The following UMAD1 variants were observed in gnomAD, a reference collection of about 807,000 sequenced individuals.
UMAD1 encodes UBAP1-MVB12-associated (UMA) domain containing 1.
UMAD1 carries 8 observed loss-of-function variants against 6.1 expected under a neutral mutation model. The ratio of observed to expected loss-of-function variants is 1.30; its 90% CI spans 0.76 to 2.35. The LOEUF (loss-of-function observed/expected upper bound fraction) is 2.35. Among genes scored for constraint, UMAD1 ranks in the 30% most tolerant of loss-of-function variants. The pLI is 0.00. For synonymous variants in UMAD1, 56 were observed against 31.4 expected, an observed-to-expected ratio of 1.78 and a Z score of -2.61; for missense variants, 130 against 78.4, an observed-to-expected ratio of 1.66 and a Z score of -2.49.
intron 3 of UMAD1, among the ~76,000 whole-genome samples, chr7:7,860,482 C>T (rs1321349482): frequency 2.0e-5 from 3 of 151,388 alleles, no homozygotes; most frequent in Non-Finnish European, 2.9e-5. Context: ...TTGTCCTGGC[C>T]GAGCGTGGTG....
At chr7:7,792,216 C>T (rs1012915528) in intron 2 of UMAD1, among the ~76,000 whole-genome samples, 1 of 152,196 alleles carries the variant, frequency 6.6e-6, no homozygotes, top group Non-Finnish European at 1.5e-5. Context: ...AGCTTGTACC[C>T]TTTCCTATAT....
At chr7:7,721,076 G>C (rs187823254) in intron 2 of UMAD1, among the ~76,000 whole-genome samples, 1 of 152,254 alleles carries the variant, frequency 6.6e-6, no homozygotes. Flanking sequence ...CAAGCCAAGG[G>C]ACACCAAGGA....
intron 2 of UMAD1, among the ~76,000 whole-genome samples, chr7:7,743,305 A>G (rs1781510412): frequency 6.6e-6 from 1 of 152,198 alleles, no homozygotes; most frequent in South Asian, 2.1e-4. Context: ...TAGAAATGCA[A>G]TTTGTTAAAA....
At chr7:7,697,076 G>C (rs74960414) in intron 2 of UMAD1, among the ~76,000 whole-genome samples, 6,929 of 152,132 alleles carry the variant, frequency 0.046, 552 homozygotes, top group African/African-American at 0.16. Context: ...TGTGGTAGAT[G>C]AGATGATTTT....
chr7:7,666,106 A>G (rs1380403012), intron 1 of UMAD1, among the ~76,000 whole-genome samples: 1 of 152,162 alleles, frequency 6.6e-6, no homozygotes, highest in Non-Finnish European at 1.5e-5. Flanking sequence ...GCTGTACCAT[A>G]TTACCCTTCT....
intron 2 of UMAD1, among the ~76,000 whole-genome samples, chr7:7,783,424 T>C (rs1782391216): frequency 6.6e-6 from 1 of 151,536 alleles, no homozygotes; most frequent in Non-Finnish European, 1.5e-5. Context: ...AAAAGAGAAA[T>C]TCAGATGCTG....
chr7:7,837,768 C>T (rs1221538531), intron 3 of UMAD1, among the ~76,000 whole-genome samples: 1 of 152,026 alleles, frequency 6.6e-6, no homozygotes, highest in Non-Finnish European at 1.5e-5. Flanking sequence ...TGTTAAAAAG[C>T]ACAGTTTATT....
chr7:7,808,450 C>A (rs1782960258), intron 3 of UMAD1, among the ~76,000 whole-genome samples: 1 of 151,938 alleles, frequency 6.6e-6, no homozygotes, highest in Non-Finnish European at 1.5e-5. Context: ...ATTGTGAAAA[C>A]TGGAACCGTA....
intron 2 of UMAD1, among the ~76,000 whole-genome samples, chr7:7,693,750 C>T (rs1185616983): frequency 2.0e-5 from 3 of 151,650 alleles, no homozygotes; most frequent in Non-Finnish European, 4.4e-5. Context: ...AGTTTTATAT[C>T]CTTCTTTAAA....
chr7:7,805,229 T>C (rs1020587339), intron 3 of UMAD1, among the ~76,000 whole-genome samples: 2 of 152,148 alleles, frequency 1.3e-5, no homozygotes, highest in East Asian at 3.9e-4. Context: ...GTTCAGCCTT[T>C]CCTTAACCCA....
chr7:7,677,681 T>G (rs1472692697), intron 2 of UMAD1, among the ~76,000 whole-genome samples: 31 of 138,912 alleles, frequency 2.2e-4, no homozygotes, highest in African/African-American at 2.0e-4. Context: ...TTTTTTTTTT[T>G]TTTTTTTTTT....
intron 3 of UMAD1, among the ~76,000 whole-genome samples, chr7:7,862,372 G>T (rs746998869): frequency 1.3e-4 from 20 of 152,182 alleles, no homozygotes; most frequent in African/African-American, 4.6e-4. Flanking sequence ...CAATGCTGAG[G>T]AGATGGGCAA....
At chr7:7,809,824 G>A (rs1485418699) in intron 3 of UMAD1, among the ~76,000 whole-genome samples, 1 of 151,976 alleles carries the variant, frequency 6.6e-6, no homozygotes, top group Non-Finnish European at 1.5e-5. Context: ...CTTTCATAGA[G>A]CTATAGGAGC....
intron 2 of UMAD1, among the ~76,000 whole-genome samples, chr7:7,724,397 A>C (rs998288561): frequency 1.3e-5 from 2 of 152,194 alleles, no homozygotes; most frequent in Non-Finnish European, 2.9e-5. Flanking sequence ...CATAATTGGC[A>C]TAGACACACT....
intron 3 of UMAD1, among the ~76,000 whole-genome samples, chr7:7,803,156 G>A (rs1782836472): frequency 1.3e-5 from 2 of 152,184 alleles, no homozygotes; most frequent in Non-Finnish European, 2.9e-5. Flanking sequence ...ATATGTTGAA[G>A]CAACTTGATC....
intron 2 of UMAD1, among the ~76,000 whole-genome samples, chr7:7,721,527 T>C (rs1781049402): frequency 6.6e-6 from 1 of 152,198 alleles, no homozygotes; most frequent in Non-Finnish European, 1.5e-5. Flanking sequence ...TAGTAAATGG[T>C]GATGGCAGAG....
intron 1 of UMAD1, among the ~76,000 whole-genome samples, chr7:7,663,557 G>A (rs1339247825): frequency 6.6e-6 from 1 of 152,092 alleles, no homozygotes; most frequent in Non-Finnish European, 1.5e-5. Context: ...TAGTCTAACT[G>A]ATACTAAAGG....
At chr7:7,861,394 G>C (rs1445671262) in intron 3 of UMAD1, among the ~76,000 whole-genome samples, 1 of 152,184 alleles carries the variant, frequency 6.6e-6, no homozygotes, top group Non-Finnish European at 1.5e-5. Flanking sequence ...AGAAAACACA[G>C]CTGTGTTTAC....
chr7:7,832,021 C>A (rs1275652405), intron 3 of UMAD1, among the ~76,000 whole-genome samples: 1 of 152,082 alleles, frequency 6.6e-6, no homozygotes, highest in Non-Finnish European at 1.5e-5. Flanking sequence ...TAATTACAGC[C>A]CTGGTAAAAC....
Sources: allele counts gnomAD v4.1 joint callset (sites outside exome capture counted in the v4.1 genomes callset), GRCh38; gene constraint gnomAD v4.1.1; transcripts MANE v1.5; gene names NCBI Gene and HGNC (gene_info 2026-07-23, HGNC 2026-07-21).